GTF2A1: variants seen among roughly 807,000 people sequenced by gnomAD.
GTF2A1 encodes the protein transcription initiation factor IIA subunit 1.
Under a neutral mutation model 54.1 loss-of-function variants are expected in GTF2A1, and 12 were observed. The ratio of observed to expected loss-of-function variants is 0.22; its 90% confidence interval spans 0.14 to 0.36. The LOEUF is 0.36. GTF2A1 is among the 10% of genes least tolerant of loss of function. The probability of loss-of-function intolerance (pLI) is 1.00; values close to 1 mark genes in which losing one functional copy is unlikely to be tolerated. For synonymous variants in GTF2A1, 145 were observed against 152.0 expected, an observed-to-expected ratio of 0.95 and a Z score of 0.34; for missense variants, 335 against 442.2, an observed-to-expected ratio of 0.76 and a Z score of 2.17.
At chr14:81,198,533 A>G (rs1045744843) in intron 4 of GTF2A1, among the ~76,000 whole-genome samples, 4 of 152,198 alleles carry the variant, frequency 2.6e-5, no homozygotes, top group African/African-American at 9.6e-5. Flanking sequence ...TCCAGGACAA[A>G]TTCTTGACTT....
At chr14:81,190,892 A>G (rs1171850016) in intron 7 of GTF2A1, among the ~76,000 whole-genome samples, 2 of 152,174 alleles carry the variant, frequency 1.3e-5, no homozygotes, top group Non-Finnish European at 2.9e-5. Flanking sequence ...GACTAACAAA[A>G]GACATTAGGA....
chr14:81,192,471 A>C, intron 7 of GTF2A1, 48 bp downstream of exon 7: 1 of 1,407,340 alleles, frequency 7.1e-7, no homozygotes, highest in Non-Finnish European at 9.8e-7. Flanking sequence ...CCAACTAAAA[A>C]AGGAAATAAT....
rs924240480 is a variant in GTF2A1, at chr14:81,177,760, G to A, written c.*2463C>T. On this transcript the variant is annotated 3_prime_UTR_variant, in exon 9 of 9. Coordinates refer to ENST00000553612, the MANE Select transcript of GTF2A1 (RefSeq NM_015859.4). Reference sequence around the variant, plus strand: ...TACGAAATGATTTGTTAAATACAATGTTAAAAGCATGATTAAGAATTCAAG... The same window carrying A: ...TACGAAATGATTTGTTAAATACAATATTAAAAGCATGATTAAGAATTCAAG... 6.6e-6 allele frequency: 1 copy of A among 152,098 alleles called. No homozygotes were observed. The highest frequency in any genetic ancestry group is 1.5e-5 in the Non-Finnish European group (1 of 67,952). 9.4% of individuals were successfully genotyped at this position (152,098 alleles called of 1,614,324 possible).
At position 81,220,487 on chromosome 14, in the gene GTF2A1, AC is replaced by A; in HGVS notation, c.30+1del. On this transcript the variant is annotated splice_donor_variant, in intron 1 of 8. Transcript: ENST00000553612. LOFTEE classifies it high-confidence loss of function. ...CCGCCGGCCACCGAACCACGTCCTT[AC>A]CACGGTGTTTGTATTTGCCGAGTTC... The A allele has an allele frequency of 6.4e-7, 1 of 1,573,456 alleles. No homozygotes were observed. Among genetic ancestry groups the A allele is most frequent in the Non-Finnish European group, 8.6e-7 (1 of 1,158,888 alleles).
intron 2 of GTF2A1, among the ~76,000 whole-genome samples, chr14:81,205,124 T>G (rs1014452858): frequency 6.6e-6 from 1 of 152,112 alleles, no homozygotes; most frequent in Non-Finnish European, 1.5e-5. Context: ...TTTTTTATTT[T>G]TTTTTTTAAT....
chr14:81,192,878 G>T, intron 6 of GTF2A1, 39 bp from the exon 7 acceptor site: 2 of 1,147,252 alleles, frequency 1.7e-6, no homozygotes, highest in South Asian at 1.3e-5. Context: ...AACTAGTTAA[G>T]AGGATCAAGT....
intron 2 of GTF2A1, among the ~76,000 whole-genome samples, chr14:81,210,384 A>G (rs781406635): frequency 1.4e-4 from 21 of 152,136 alleles, no homozygotes; most frequent in Non-Finnish European, 2.9e-4. Context: ...TTAAACAATG[A>G]GGCCGGGCAC....
chr14:81,180,031 A>G lies in GTF2A1; in HGVS notation c.*192T>C, dbSNP rs1460115833. On this transcript the variant is annotated 3_prime_UTR_variant, in exon 9 of 9. Transcript: ENST00000553612. Reference sequence around the variant, plus strand: ...CTCCCACCCAAAAACCCTAGGTGCTACAGTTCCATGGCTTGCCAGTAAGTA... The same window carrying G: ...CTCCCACCCAAAAACCCTAGGTGCTGCAGTTCCATGGCTTGCCAGTAAGTA... The G allele has an allele frequency of 5.2e-6, 1 of 191,454 alleles. No homozygotes were observed. Among genetic ancestry groups the G allele is most frequent in the African/African-American group, 2.5e-5 (1 of 39,862 alleles). 11.9% of individuals were successfully genotyped at this position (191,454 alleles called of 1,614,324 possible). A position where few individuals can be genotyped will look rare whatever the true frequency, so the allele number is the denominator to read the frequency against.
intron 2 of GTF2A1, among the ~76,000 whole-genome samples, chr14:81,216,065 T>C (rs1307175568): frequency 6.6e-6 from 1 of 152,156 alleles, no homozygotes; most frequent in Non-Finnish European, 1.5e-5. Flanking sequence ...CTTCCAGACA[T>C]GTCAAGTAAT....
In GTF2A1 at chr14:81,220,952, C is replaced by G. The variant is rs200373056; in HGVS notation, c.-434G>C. The G allele has an allele frequency of 1.9e-3, 316 of 169,120 alleles. 2 individuals carry two copies. Among genetic ancestry groups the G allele is most frequent in the East Asian group, 7.1e-3 (42 of 5,906 alleles). The allele number at this position is 169,120 out of a possible 1,614,324, so 10.5% of individuals were successfully genotyped here. On this transcript the variant is annotated 5_prime_UTR_variant, in exon 1 of 9. Transcript: ENST00000553612. Reference sequence around the variant, plus strand: ...CCACCACCGCCGCCGCCGCCGCCGCCGAGAGACAGGGTGAAGGGGGAGGGA... The same window carrying G: ...CCACCACCGCCGCCGCCGCCGCCGCGGAGAGACAGGGTGAAGGGGGAGGGA...
chr14:81,202,728 TA>T, intron 3 of GTF2A1: 1 of 518,762 alleles, frequency 1.9e-6, no homozygotes, highest in Non-Finnish European at 3.8e-6. Context: ...AGAGAACAGA[TA>T]ACTCCATTAT....
At chr14:81,198,034 T>G (rs1893027308) in intron 4 of GTF2A1, among the ~76,000 whole-genome samples, 1 of 152,038 alleles carries the variant, frequency 6.6e-6, no homozygotes. Flanking sequence ...TCACTGGGAG[T>G]ACAGCTGACA....
Position 81,177,502 on chromosome 14 carries a change from G to C in GTF2A1, c.*2721C>G, listed in dbSNP as rs1173867963. ...GGCACACATTTCCATGTTTTATCTT[G>C]TAATTTTGTGTAAATTTTCCTTAGC... On this transcript the variant is annotated 3_prime_UTR_variant, in exon 9 of 9. Coordinates refer to ENST00000553612, the MANE Select transcript of GTF2A1 (RefSeq NM_015859.4). 3 of 152,188 alleles carry C rather than the reference G, an allele frequency of 2.0e-5. No individual in the cohort carries two copies. The highest frequency in any genetic ancestry group is 7.2e-5 in the African/African-American group (3 of 41,562). 9.4% of individuals were successfully genotyped at this position (152,188 alleles called of 1,614,324 possible). A position where few individuals can be genotyped will look rare whatever the true frequency, so the allele number is the denominator to read the frequency against.
In GTF2A1 at chr14:81,211,875, T is replaced by TTATATATATA. The variant is rs757044041; in HGVS notation, c.132+4528_132+4537dup. Among the ~76,000 whole-genome samples, 659 of 68,338 alleles carry TTATATATATA rather than the reference T, an allele frequency of 9.6e-3. 21 individuals are homozygous for TTATATATATA. Among genetic ancestry groups the TTATATATATA allele is most frequent in the African/African-American group, 0.023 (450 of 19,752 alleles). The allele number at this position is 68,338 out of a possible 152,430, so 44.8% of individuals were successfully genotyped here. ...ACATAATTAGAGTGTATCAAGTACT[T>TTATATATATA]TATATATATATATATATATATATAT... On this transcript the variant is annotated intron_variant, in intron 2 of 8. Coordinates refer to ENST00000553612, the MANE Select transcript of GTF2A1 (RefSeq NM_015859.4).
chr14:81,204,377 AGTT>A, intron 2 of GTF2A1: 1 of 533,746 alleles, frequency 1.9e-6, no homozygotes. Context: ...CTTAATCAGC[AGTT>A]ATTATTAAGC....
At chr14:81,197,151 A>G (rs1273794619) in intron 5 of GTF2A1, 1 of 280,856 alleles carries the variant, frequency 3.6e-6, no homozygotes, top group Admixed American at 5.1e-5. Flanking sequence ...AAGCATTTTT[A>G]TATAATCATA....
At chr14:81,213,379 C>A (rs1015418955) in intron 2 of GTF2A1, among the ~76,000 whole-genome samples, 1 of 152,062 alleles carries the variant, frequency 6.6e-6, no homozygotes, top group Non-Finnish European at 1.5e-5. Flanking sequence ...CTACTATTAA[C>A]GATAGGGAAA....
rs567156632 is a variant in GTF2A1 at position 81,194,037 on chromosome 14, C to T, written c.613-1198G>A. 1.4e-4 allele frequency among the ~76,000 whole-genome samples: 22 copies of T among 152,272 alleles called. No homozygotes were observed. In the East Asian group the frequency reaches 4.3e-3, roughly 29 times the overall value. On this transcript the variant is annotated intron_variant, in intron 6 of 8. Coordinates refer to ENST00000553612, the MANE Select transcript of GTF2A1 (RefSeq NM_015859.4). ...GGGGACAAAGCATGATCAAATATTA[C>T]TTATATTATTAGTAAGTAGTTTCTG...
At position 81,188,992 on chromosome 14, in the gene GTF2A1, G is replaced by A. The variant is rs142001308; in HGVS notation, c.934-3372C>T. 3.3e-5 allele frequency among the ~76,000 whole-genome samples: 5 copies of A among 152,276 alleles called. No individual in the cohort carries two copies. The East Asian group carries it at 9.6e-4, about 29-fold the overall frequency. On this transcript the variant is annotated intron_variant, in intron 7 of 8. Transcript: ENST00000553612. ...AAGACTATTCTGTCCCTACTGAATA[G>A]TCTTGGTTGATGTTAAAGTTTTGCA...
Sources: gnomAD v4.1 joint callset for allele counts (sites outside exome capture counted in the v4.1 genomes callset) on GRCh38, gnomAD v4.1.1 for gene constraint, MANE v1.5 for transcripts, NCBI Gene and HGNC (gene_info 2026-07-23, HGNC 2026-07-21) for gene names.